FSTL5: variants seen among roughly 807,000 people sequenced by gnomAD.
FSTL5 encodes the protein follistatin like 5.
In FSTL5, 62 loss-of-function variants were observed where a neutral mutation model predicts 89.1. The observed-to-expected ratio is 0.70, with a 90% CI of 0.57 to 0.86. The LOEUF (loss-of-function observed/expected upper bound fraction) is 0.86, where lower values mean the gene tolerates loss of function less well. Among genes scored for constraint, FSTL5 ranks in the 40% least tolerant of loss-of-function variants. The pLI, the probability that FSTL5 is intolerant of heterozygous loss-of-function variation, is 0.00. For missense variants in FSTL5, 1,057 were observed against 1,001.6 expected (o/e 1.06, Z -0.75); for synonymous variants, 383 against 346.2 (o/e 1.11, Z -1.18).
intron 3 of FSTL5, among the ~76,000 whole-genome samples, chr4:162,022,473 C>T (rs976271687): frequency 1.3e-5 from 2 of 151,682 alleles, no homozygotes; most frequent in Non-Finnish European, 2.9e-5. Context: ...CTACGCTGTC[C>T]ATGAAAGGAT....
intron 3 of FSTL5, among the ~76,000 whole-genome samples, chr4:161,968,544 C>T (rs940400297): frequency 2.6e-5 from 4 of 151,924 alleles, no homozygotes; most frequent in East Asian, 1.9e-4. Context: ...CAGAACTCCA[C>T]CATTTAATAT....
intron 15 of FSTL5, among the ~76,000 whole-genome samples, chr4:161,424,386 T>C (rs1732099350): frequency 6.6e-6 from 1 of 151,916 alleles, no homozygotes; most frequent in African/African-American, 2.4e-5. Flanking sequence ...TGTTAAATGA[T>C]ATAATGTTTT....
intron 2 of FSTL5, among the ~76,000 whole-genome samples, chr4:162,090,632 C>T (rs1242309744): frequency 1.3e-5 from 2 of 151,926 alleles, no homozygotes; most frequent in African/African-American, 4.8e-5. Flanking sequence ...ACTAGCCTGG[C>T]CAACAGCGTG....
intron 6 of FSTL5, among the ~76,000 whole-genome samples, chr4:161,739,852 TA>T (rs34519918): frequency 1.9e-4 from 28 of 149,676 alleles, no homozygotes; most frequent in Admixed American, 1.0e-3. Context: ...TCCACAGAAG[TA>T]AAAAAAAAAA....
chr4:161,497,992 A>G (rs1441030145), intron 12 of FSTL5, among the ~76,000 whole-genome samples: 1 of 151,636 alleles, frequency 6.6e-6, no homozygotes, highest in African/African-American at 2.4e-5. Context: ...TTATTTCTCT[A>G]TGTATGCATA....
intron 4 of FSTL5, among the ~76,000 whole-genome samples, chr4:161,892,415 AAGTT>A (rs1733016461): frequency 1.3e-5 from 2 of 152,054 alleles, no homozygotes; most frequent in African/African-American, 4.8e-5. Context: ...AACAGAGAAA[AAGTT>A]AGTTAATTTT....
Position 161,459,284 on chromosome 4 carries a change from G to GTGTA in FSTL5, c.1640_1643dup (p.Tyr549ThrfsTer3). On this transcript the variant is annotated frameshift_variant, in exon 14 of 16. Coordinates refer to ENST00000306100, the MANE Select transcript of FSTL5 (RefSeq NM_020116.5). LOFTEE classifies it high-confidence loss of function. Reference sequence around the variant, plus strand: ...AGACCTGATCATGTGATTTGTCATAGTGTAATTTAACTGGGACAGGGTCTG... The same window carrying GTGTA: ...AGACCTGATCATGTGATTTGTCATAGTGTATGTAATTTAACTGGGACAGGGTCTG... The GTGTA allele has an allele frequency of 6.2e-7, 1 of 1,613,396 alleles. No individual in the cohort carries two copies. Among genetic ancestry groups the GTGTA allele is most frequent in the Non-Finnish European group, 8.5e-7 (1 of 1,179,492 alleles).
chr4:161,882,771 T>TA (rs1732674028), intron 4 of FSTL5, among the ~76,000 whole-genome samples: 1 of 152,104 alleles, frequency 6.6e-6, no homozygotes, highest in African/African-American at 2.4e-5. Flanking sequence ...TACAGTGGAA[T>TA]AATTATTTTA....
chr4:162,127,709 T>G (rs1181092475), intron 1 of FSTL5, among the ~76,000 whole-genome samples: 1 of 151,938 alleles, frequency 6.6e-6, no homozygotes, highest in African/African-American at 2.4e-5. Flanking sequence ...AGTTTAAGGA[T>G]AGAACTGAGA....
chr4:161,809,314 G>T (rs552366840), intron 4 of FSTL5, among the ~76,000 whole-genome samples: 3 of 152,276 alleles, frequency 2.0e-5, no homozygotes, highest in Non-Finnish European at 2.9e-5. Context: ...TTTTCAAGGG[G>T]AGTGAAATAA....
At chr4:161,686,430 C>T (rs1737749297) in intron 6 of FSTL5, among the ~76,000 whole-genome samples, 1 of 134,860 alleles carries the variant, frequency 7.4e-6, no homozygotes, top group Non-Finnish European at 1.5e-5. Flanking sequence ...GCAATCTCAG[C>T]TCACTGCAAG....
chr4:161,809,273 C>A (rs1255982806), intron 4 of FSTL5, among the ~76,000 whole-genome samples: 5 of 151,980 alleles, frequency 3.3e-5, no homozygotes. Flanking sequence ...TAACATCACA[C>A]CAATTAGAAT....
chr4:161,630,633 G>A (rs1399833543), intron 7 of FSTL5, among the ~76,000 whole-genome samples: 1 of 152,168 alleles, frequency 6.6e-6, no homozygotes, highest in Non-Finnish European at 1.5e-5. Context: ...TATTGGTTAA[G>A]TATGTCTCCA....
chr4:161,779,821 A>ATATG (rs1553965281), intron 4 of FSTL5, among the ~76,000 whole-genome samples: 1,313 of 62,832 alleles, frequency 0.021, 100 homozygotes, highest in East Asian at 0.029. Flanking sequence ...GTATATATAT[A>ATATG]TATATATATA....
chr4:161,833,947 T>C (rs1730940588), intron 4 of FSTL5, among the ~76,000 whole-genome samples: 1 of 152,124 alleles, frequency 6.6e-6, no homozygotes. Flanking sequence ...GTTATTTTGC[T>C]CGTTAGTTGA....
intron 11 of FSTL5, among the ~76,000 whole-genome samples, chr4:161,506,331 C>T (rs1204404586): frequency 6.6e-6 from 1 of 151,938 alleles, no homozygotes; most frequent in African/African-American, 2.4e-5. Context: ...CTTCGGCCCC[C>T]CAAATTGCTA....
intron 4 of FSTL5, among the ~76,000 whole-genome samples, chr4:161,802,395 T>A (rs1729826912): frequency 6.6e-6 from 1 of 151,650 alleles, no homozygotes. Context: ...CTTATAATTA[T>A]CCAATCCAGA....
intron 10 of FSTL5, among the ~76,000 whole-genome samples, chr4:161,526,216 T>C (rs902126223): frequency 2.0e-5 from 3 of 152,180 alleles, no homozygotes; most frequent in African/African-American, 7.2e-5. Flanking sequence ...CTATGTATAT[T>C]ATACACACAC....
At chr4:161,604,285 A>G (rs1223662848) in intron 7 of FSTL5, among the ~76,000 whole-genome samples, 1 of 152,146 alleles carries the variant, frequency 6.6e-6, no homozygotes, top group African/African-American at 2.4e-5. Context: ...ATGGATTATC[A>G]GTTTTGAATC....
Sources: gnomAD v4.1 joint callset for allele counts (sites outside exome capture counted in the v4.1 genomes callset) on GRCh38, gnomAD v4.1.1 for gene constraint, MANE v1.5 for transcripts, NCBI Gene and HGNC (gene_info 2026-07-23, HGNC 2026-07-21) for gene names.